MSR1: variants seen among roughly 807,000 people sequenced by gnomAD.
MSR1 encodes macrophage scavenger receptor 1.
A neutral mutation model predicts 47.2 loss-of-function variants in MSR1; 53 were observed. The observed-to-expected ratio is 1.12, with a 90% confidence interval of 0.90 to 1.41. The LOEUF is 1.41. Among genes scored for constraint, MSR1 ranks in the 40% most tolerant of loss-of-function variants. The pLI, the probability that MSR1 is intolerant of heterozygous loss-of-function variation, is 0.00. For synonymous variants in MSR1, 239 were observed against 185.6 expected (o/e 1.29, Z -2.34); for missense variants, 786 against 546.9 (o/e 1.44, Z -4.36).
intron 1 of MSR1, 111 bp from the exon 2 acceptor site, chr8:16,178,103 CTTTT>C: frequency 1.5e-6 from 1 of 654,324 alleles, no homozygotes; most frequent in Admixed American, 2.8e-5. Context: ...TTCAGTTTTT[CTTTT>C]TTTTTTTTAA....
chr8:16,138,729 C>G (rs942511721), intron 8 of MSR1, among the ~76,000 whole-genome samples: 3 of 152,054 alleles, frequency 2.0e-5, no homozygotes, highest in African/African-American at 7.2e-5. Context: ...AAAATTAAAC[C>G]AAGGAAAAGG....
rs966081358 is a variant in MSR1 at position 16,124,182 on chromosome 8, C to A, written c.1034-3576G>T. Among the ~76,000 whole-genome samples, 3 of 152,104 alleles carry A rather than the reference C, an allele frequency of 2.0e-5. No homozygotes were observed. In the East Asian group the frequency reaches 5.8e-4, roughly 29 times the overall value. On this transcript the variant is annotated intron_variant, in intron 8 of 9. Transcript: ENST00000262101. ...CCCACCTGTGGACTGGACAAACAGG[C>A]CGAGTCACTTGCATGAACATGGCAT...
intron 3 of MSR1, among the ~76,000 whole-genome samples, chr8:16,169,361 G>C (rs1416652372): frequency 1.3e-5 from 2 of 151,982 alleles, no homozygotes; most frequent in African/African-American, 4.8e-5. Context: ...ATAAATTGTT[G>C]GTTTATCTTC....
rs145731354 is a variant in MSR1, at chr8:16,151,937, A to G, written c.899-1626T>C. ...AGCAAGTCATTTAACTTTACTGTGCATTGCACCTGTAAAATGGGTGTATTA... is the reference window on the plus strand; with the variant it reads ...AGCAAGTCATTTAACTTTACTGTGCGTTGCACCTGTAAAATGGGTGTATTA... On this transcript the variant is annotated intron_variant, in intron 6 of 9. Coordinates refer to ENST00000262101, the MANE Select transcript of MSR1 (RefSeq NM_138715.3). Among the ~76,000 whole-genome samples the G allele has an allele frequency of 3.7e-3, 569 of 152,226 alleles. 5 individuals are homozygous for G. Among genetic ancestry groups the G allele is most frequent in the Non-Finnish European group, 6.9e-3 (468 of 67,986 alleles).
At chr8:16,181,882 T>A (rs1220569943) in intron 1 of MSR1, among the ~76,000 whole-genome samples, 1 of 152,090 alleles carries the variant, frequency 6.6e-6, no homozygotes, top group Non-Finnish European at 1.5e-5. Context: ...TTGAACTCAG[T>A]TTGTAAAAGA....
At chr8:16,170,313 A>T (rs1408024058) in intron 3 of MSR1, among the ~76,000 whole-genome samples, 1 of 151,290 alleles carries the variant, frequency 6.6e-6, no homozygotes, top group Admixed American at 6.6e-5. Context: ...ACGCCACTGC[A>T]CTCCAGCCTG....
intron 8 of MSR1, 71 bp from the exon 9 acceptor site, chr8:16,120,677 C>T (rs12678682): frequency 0.054 from 79,320 of 1,470,908 alleles, 3,799 homozygotes; most frequent in South Asian, 0.18. Flanking sequence ...TACTGCTTTA[C>T]AGCACTTTTT....
chr8:16,159,292 A>G (rs1801097775), intron 5 of MSR1, among the ~76,000 whole-genome samples: 1 of 152,036 alleles, frequency 6.6e-6, no homozygotes, highest in Admixed American at 6.6e-5. Context: ...CCACAGAGTC[A>G]TATTATATTT....
chr8:16,158,763 T>G (rs1801080324), intron 5 of MSR1, among the ~76,000 whole-genome samples: 1 of 151,826 alleles, frequency 6.6e-6, no homozygotes, highest in Admixed American at 6.6e-5. Context: ...GCTAGTTGGG[T>G]TAAATCAGAA....
At chr8:16,179,079 C>A (rs542612284) in intron 1 of MSR1, among the ~76,000 whole-genome samples, 10 of 152,128 alleles carry the variant, frequency 6.6e-5, no homozygotes, top group African/African-American at 2.4e-4. Flanking sequence ...ACATGTATGT[C>A]TATTTTTAGA....
intron 1 of MSR1, among the ~76,000 whole-genome samples, chr8:16,187,922 G>A (rs1802049887): frequency 1.3e-5 from 2 of 152,086 alleles, no homozygotes; most frequent in Non-Finnish European, 2.9e-5. Context: ...TATAATCATT[G>A]TAATTTTTTA....
At chr8:16,185,001 G>C (rs957208641) in intron 1 of MSR1, among the ~76,000 whole-genome samples, 4 of 151,990 alleles carry the variant, frequency 2.6e-5, no homozygotes, top group African/African-American at 9.7e-5. Context: ...CAGAAGGGAG[G>C]TGAACACTGA....
chr8:16,158,912 G>GT (rs988264033), intron 5 of MSR1, among the ~76,000 whole-genome samples: 2 of 130,848 alleles, frequency 1.5e-5, no homozygotes, highest in Non-Finnish European at 3.2e-5. Context: ...TCACAATTCA[G>GT]TTTTTTTCCT....
intron 8 of MSR1, chr8:16,139,275 G>T: frequency 2.0e-6 from 2 of 984,490 alleles, no homozygotes; most frequent in Non-Finnish European, 2.4e-6. Context: ...TACCAGCGGG[G>T]AAAAGCTATT....
At chr8:16,176,772 C>T (rs1294957393) in intron 2 of MSR1, among the ~76,000 whole-genome samples, 3 of 152,122 alleles carry the variant, frequency 2.0e-5, no homozygotes, top group African/African-American at 7.2e-5. Flanking sequence ...CTCATCATTT[C>T]TGTCTGTAAC....
In MSR1 at chr8:16,177,961, G is replaced by C. The variant is rs750727022; in HGVS notation, c.28C>G (p.Gln10Glu). The change falls in exon 2 of 10, where the codon CAA (glutamine) becomes GAA (glutamate). Residue 10 changes from glutamine (Q) to glutamate (E), a missense_variant. Gln to Glu is a conservative substitution (Grantham distance 29). Coordinates refer to ENST00000262101, the MANE Select transcript of MSR1 (RefSeq NM_138715.3). ...GAGCAGCTATCAGTGTCCTCCTGTTGATTGTGAAAGTGATCCCACTGCTCC... is the reference window on the plus strand; with the variant it reads ...GAGCAGCTATCAGTGTCCTCCTGTTCATTGTGAAAGTGATCCCACTGCTCC... MEQWDHFHN[Q>E]QEDTDSCSES... The C allele has an allele frequency of 7.4e-6, 12 of 1,613,736 alleles. No homozygotes were observed. In the Admixed American group the frequency reaches 1.7e-4, roughly 22 times the overall value.
chr8:16,117,625 C>T (rs114773811), intron 9 of MSR1, among the ~76,000 whole-genome samples: 52 of 152,200 alleles, frequency 3.4e-4, no homozygotes, highest in African/African-American at 1.2e-3. Context: ...GAAATTGCCA[C>T]AAAAGCACTG....
chr8:16,111,508 G>C (rs544052628), intron 9 of MSR1, among the ~76,000 whole-genome samples: 1 of 152,218 alleles, frequency 6.6e-6, no homozygotes, highest in South Asian at 2.1e-4. Flanking sequence ...CCAGGAAAAG[G>C]AAACTGAGAG....
At chr8:16,187,047 T>C (rs1484424901) in intron 1 of MSR1, among the ~76,000 whole-genome samples, 1 of 151,976 alleles carries the variant, frequency 6.6e-6, no homozygotes, top group African/African-American at 2.4e-5. Context: ...AGCCCCTGAA[T>C]GCCTTCTCGT....
Sources: gnomAD v4.1 joint callset for allele counts (sites outside exome capture counted in the v4.1 genomes callset) on GRCh38, gnomAD v4.1.1 for gene constraint, MANE v1.5 for transcripts, NCBI Gene and HGNC (gene_info 2026-07-23, HGNC 2026-07-21) for gene names.